The following PLD3 variants were observed in gnomAD, a reference collection of about 807,000 sequenced individuals.
PLD3 encodes the protein phospholipase D family member 3.
PLD3 carries 31 observed loss-of-function variants against 58.4 expected under a neutral mutation model. The observed-to-expected ratio is 0.53, with a 90% CI of 0.40 to 0.72. The LOEUF (loss-of-function observed/expected upper bound fraction) is 0.72. PLD3 is among the 30% of genes least tolerant of loss of function. The pLI is 0.00. For synonymous variants in PLD3, 264 were observed against 273.4 expected (o/e 0.97, Z 0.34); for missense variants, 595 against 659.8 (o/e 0.90, Z 1.08).
Position 40,370,236 on chromosome 19 carries a change from A to G in PLD3, c.677A>G (p.Gln226Arg). Residue 226 changes from glutamine to arginine, a missense_variant and splice_region_variant, in exon 8 of 13, where the codon CAG becomes CGG. By Grantham distance (43) the Gln-to-Arg change is conservative. Coordinates refer to ENST00000409735, the MANE Select transcript of PLD3 (RefSeq NM_012268.4). ...AACATGGACTGGCGTTCACTGACCC[A>G]GGTCTGTCTGCACCCTGTCTACCTT... ...SANMDWRSLT[Q>R]VKELGVVMYN... is the part of the protein sequence containing the mutation. 1.2e-6 allele frequency: 2 copies of G among 1,612,328 alleles called. No individual in the cohort carries two copies. The highest frequency in any genetic ancestry group is 1.7e-6 in the Non-Finnish European group (2 of 1,179,060).
chr19:40,370,062 C>T (rs1348002924), intron 7 of PLD3, 34 bp downstream of exon 7: 6 of 1,577,578 alleles, frequency 3.8e-6, no homozygotes, highest in Non-Finnish European at 5.2e-6. Context: ...TGGTCTGGGC[C>T]TGGGGGTACC....
Position 40,366,799 on chromosome 19 carries a change from C to A in PLD3, c.129C>A (p.Leu43=). Residue 43 remains leucine, a synonymous_variant, in exon 5 of 13, where the codon CTC becomes CTA. Coordinates refer to ENST00000409735, the MANE Select transcript of PLD3 (RefSeq NM_012268.4). ...EKKARWVLLV[L]ILAVVGFGAL... ...AAGCCCGCTGGGTCCTGCTGGTCCT[C>A]ATTCTGGCGGTTGTGGGCTTCGGAG... 1 of 1,614,004 alleles carries A rather than the reference C, an allele frequency of 6.2e-7. No homozygotes were observed. The highest frequency in any genetic ancestry group is 8.5e-7 in the Non-Finnish European group (1 of 1,179,924).
At position 40,378,338 on chromosome 19, in the gene PLD3, G is replaced by A. The variant is rs748498735; in HGVS notation, c.*165G>A. The A allele has an allele frequency of 5.4e-6, 4 of 741,542 alleles. No homozygotes were observed. Among genetic ancestry groups the A allele is most frequent in the East Asian group, 2.7e-5 (1 of 37,606 alleles). The allele number at this position is 741,542 out of a possible 1,614,324, so 45.9% of individuals were successfully genotyped here. A position where few individuals can be genotyped will look rare whatever the true frequency, so the allele number is the denominator to read the frequency against. On this transcript the variant is annotated 3_prime_UTR_variant, in exon 13 of 13. Transcript: ENST00000409735. ...CTACCTCCACCCCCACCGGCCTGACGCTGTGGCCCCGGGACCCAGCAGAGC... is the reference window on the plus strand; with the variant it reads ...CTACCTCCACCCCCACCGGCCTGACACTGTGGCCCCGGGACCCAGCAGAGC...
chr19:40,377,914 G>A (rs2079279465), intron 12 of PLD3, 29 bp downstream of exon 12: 5 of 1,612,630 alleles, frequency 3.1e-6, no homozygotes, highest in Non-Finnish European at 4.2e-6. Context: ...ACGGGGCGCT[G>A]AAGAAGAGGG....
chr19:40,350,795 G>A (rs2078494168), intron 1 of PLD3, among the ~76,000 whole-genome samples: 1 of 151,978 alleles, frequency 6.6e-6, no homozygotes, highest in South Asian at 2.1e-4. Context: ...ACTCTAGTGG[G>A]GGTAAGAGGC....
At position 40,354,137 on chromosome 19, in the gene PLD3, G is replaced by A. The variant is rs534574884; in HGVS notation, c.-279+5369G>A. Among the ~76,000 whole-genome samples, 222 of 142,108 alleles carry A rather than the reference G, an allele frequency of 1.6e-3. 1 individual carries two copies. The highest frequency in any genetic ancestry group is 2.4e-3 in the Non-Finnish European group (159 of 66,590). 93.2% of individuals were successfully genotyped at this position (142,108 alleles called of 152,430 possible). ...TGCCCAGGCTGGAGTGCAGTGGCGC[G>A]ATCTCGGCTCACTGCAACTTCCACC... On this transcript the variant is annotated intron_variant, in intron 1 of 12. Transcript: ENST00000409735.
In PLD3 at chr19:40,366,441, C is replaced by T; in HGVS notation, c.-43C>T. ...CAGTTTGGAGACCCTGACACACCCA[C>T]CTTCTCACCTGGGCTCTGCGTATCC... On this transcript the variant is annotated 5_prime_UTR_variant, in exon 3 of 13. Coordinates refer to ENST00000409735, the MANE Select transcript of PLD3 (RefSeq NM_012268.4). 3 of 1,604,196 alleles carry T rather than the reference C, an allele frequency of 1.9e-6. No individual in the cohort carries two copies. The highest frequency in any genetic ancestry group is 2.6e-6 in the Non-Finnish European group (3 of 1,171,032).
At chr19:40,363,414 ATTTGTTTGTTTGTTTG>A (rs56862567) in intron 1 of PLD3, among the ~76,000 whole-genome samples, 5 of 150,836 alleles carry the variant, frequency 3.3e-5, no homozygotes, top group African/African-American at 9.8e-5. Flanking sequence ...TTCTTGCTAG[ATTTGTTTGTTTGTTTG>A]TTTGTTTGTT....
At position 40,367,623 on chromosome 19, in the gene PLD3, G is replaced by A. The variant is rs537629465; in HGVS notation, c.246-73G>A. The A allele has an allele frequency of 3.5e-5, 45 of 1,300,642 alleles. No homozygotes were observed. The East Asian group carries it at 7.3e-4, about 21-fold the overall frequency. The allele number at this position is 1,300,642 out of a possible 1,614,324, so 80.6% of individuals were successfully genotyped here. A position where few individuals can be genotyped will look rare whatever the true frequency, so the allele number is the denominator to read the frequency against. On this transcript the variant is annotated intron_variant, in intron 5 of 12. Coordinates refer to ENST00000409735, the MANE Select transcript of PLD3 (RefSeq NM_012268.4). Reference sequence around the variant, plus strand: ...CAGTCTATCCAACACACCCATGGACGGACAGCTGAGCACTCACCTCCCAGC... The same window carrying A: ...CAGTCTATCCAACACACCCATGGACAGACAGCTGAGCACTCACCTCCCAGC...
intron 1 of PLD3, chr19:40,357,817 C>T (rs1443397448): frequency 6.6e-6 from 1 of 152,196 alleles, no homozygotes; most frequent in Non-Finnish European, 1.5e-5. Context: ...CGAGGGCGTA[C>T]ACAGATCTCA....
At chr19:40,352,147 C>T (rs1418250638) in intron 1 of PLD3, among the ~76,000 whole-genome samples, 1 of 151,492 alleles carries the variant, frequency 6.6e-6, no homozygotes, top group East Asian at 1.9e-4. Context: ...GTGGCTTGTG[C>T]CTGTAATCCC....
At chr19:40,351,813 A>T (rs1459832438) in intron 1 of PLD3, among the ~76,000 whole-genome samples, 2 of 152,110 alleles carry the variant, frequency 1.3e-5, no homozygotes, top group African/African-American at 2.4e-5. Flanking sequence ...CCGAGGAGGG[A>T]TGCGGTCCAG....
chr19:40,366,490 C>T lies in PLD3; in HGVS notation c.7C>T (p.Pro3Ser). ...CCCCCAGCCTTGAGGGAAGATGAAGCCTAAACTGATGTACCAGGAGGTAGG... is the reference window on the plus strand; with the variant it reads ...CCCCCAGCCTTGAGGGAAGATGAAGTCTAAACTGATGTACCAGGAGGTAGG... Reference protein sequence around the residue: MKPKLMYQELKVP... With the variant: MKSKLMYQELKVP... The change falls in exon 3 of 13, where the codon CCT becomes TCT. Residue 3 changes from proline (P) to serine (S), a missense_variant. By Grantham distance (74) the Pro-to-Ser change is moderately conservative. Transcript: ENST00000409735. 1 of 1,613,784 alleles carries T rather than the reference C, an allele frequency of 6.2e-7. No homozygotes were observed. The highest frequency in any genetic ancestry group is 8.5e-7 in the Non-Finnish European group (1 of 1,179,808).
At chr19:40,350,043 C>T (rs2078458657) in intron 1 of PLD3, among the ~76,000 whole-genome samples, 1 of 150,786 alleles carries the variant, frequency 6.6e-6, no homozygotes. Context: ...GGCGGATCAC[C>T]TCAGGTCGGA....
Position 40,371,812 on chromosome 19 carries a change from A to G in PLD3, c.818A>G (p.Tyr273Cys), listed in dbSNP as rs1165253514. Residue 273 changes from tyrosine (Y) to cysteine (C), a missense_variant, in exon 9 of 13, where the codon TAC becomes TGC. Coordinates refer to ENST00000409735, the MANE Select transcript of PLD3 (RefSeq NM_012268.4). ...STWPRFYDTR[Y>C]NQETPMEICL... ...TGGCCCCGGTTCTATGACACCCGCT[A>G]CAACCAAGAGACACCAATGGAGATC... 1 of 1,614,130 alleles carries G rather than the reference A, an allele frequency of 6.2e-7. No homozygotes were observed. Among genetic ancestry groups the G allele is most frequent in the Non-Finnish European group, 8.5e-7 (1 of 1,180,014 alleles).
In PLD3 at chr19:40,377,663, C is replaced by T. The variant is rs543635115; in HGVS notation, c.1186-123C>T. The T allele has an allele frequency of 4.6e-4, 329 of 720,524 alleles. 2 individuals carry two copies. In the African/African-American group the frequency reaches 4.6e-3, roughly 10 times the overall value. 44.6% of individuals were successfully genotyped at this position (720,524 alleles called of 1,614,324 possible). A position where few individuals can be genotyped will look rare whatever the true frequency, so the allele number is the denominator to read the frequency against. ...CTCCACCTGGCCCTGTTCTGGCCCC[C>T]GAGGATTCTGTGGGAAGCAGTGGAG... On this transcript the variant is annotated intron_variant, in intron 11 of 12. Transcript: ENST00000409735.
chr19:40,348,746 G>C lies in PLD3; in HGVS notation c.-301G>C. 2 of 466,756 alleles carry C rather than the reference G, an allele frequency of 4.3e-6. No individual in the cohort carries two copies. The highest frequency in any genetic ancestry group is 7.4e-6 in the Non-Finnish European group (2 of 270,244). The allele number at this position is 466,756 out of a possible 1,614,324, so 28.9% of individuals were successfully genotyped here. On this transcript the variant is annotated 5_prime_UTR_variant, in exon 1 of 13. Coordinates refer to ENST00000409735, the MANE Select transcript of PLD3 (RefSeq NM_012268.4). ...GAAGGTGCGTGTGGGGCTGGGTCTCGGAGTGGGAGACGTGGAGTGCAGGTA... is the reference window on the plus strand; with the variant it reads ...GAAGGTGCGTGTGGGGCTGGGTCTCCGAGTGGGAGACGTGGAGTGCAGGTA...
intron 9 of PLD3, among the ~76,000 whole-genome samples, chr19:40,372,118 A>C (rs940994973): frequency 6.6e-6 from 1 of 152,082 alleles, no homozygotes; most frequent in Non-Finnish European, 1.5e-5. Context: ...GGGTTCATGC[A>C]CACCAAACCT....
At chr19:40,377,910 C>T (rs776669859) in intron 12 of PLD3, 25 bp downstream of exon 12, 6 of 1,611,948 alleles carry the variant, frequency 3.7e-6, no homozygotes, top group Non-Finnish European at 5.1e-6. Context: ...CACCACGGGG[C>T]GCTGAAGAAG....
Sources: gnomAD v4.1 joint callset for allele counts (sites outside exome capture counted in the v4.1 genomes callset) on GRCh38, gnomAD v4.1.1 for gene constraint, MANE v1.5 for transcripts, NCBI Gene and HGNC (gene_info 2026-07-23, HGNC 2026-07-21) for gene names.